DNAH17: variants seen among roughly 807,000 people sequenced by gnomAD.
DNAH17 encodes the protein dynein axonemal heavy chain 17, also known as axonemal beta dynein heavy chain 17.
DNAH17 carries 376 observed loss-of-function variants against 485.6 expected under a neutral mutation model. That is an observed-to-expected ratio of 0.77 (90% confidence interval 0.71 to 0.84). DNAH17 has a LOEUF of 0.84. DNAH17 is among the 40% of genes least tolerant of loss of function. The probability of loss-of-function intolerance (pLI) is 0.00; values close to 1 mark genes in which losing one functional copy is unlikely to be tolerated. For synonymous variants in DNAH17, 3,031 were observed against 2,405.9 expected, an observed-to-expected ratio of 1.26 and a Z score of -7.60; for missense variants, 6,370 against 5,839.3, an observed-to-expected ratio of 1.09 and a Z score of -2.96.
chr17:78,504,454 T>C (rs1289448376), intron 31 of DNAH17, among the ~76,000 whole-genome samples: 5 of 144,188 alleles, frequency 3.5e-5, no homozygotes, highest in African/African-American at 1.3e-4. Context: ...AGGAAGCGAA[T>C]CTAGACAGAT....
chr17:78,543,287 G>GTATTTTTTTTTTTTTTTT (rs1200669389), intron 17 of DNAH17, among the ~76,000 whole-genome samples: 4 of 139,226 alleles, frequency 2.9e-5, no homozygotes, highest in African/African-American at 1.1e-4. Context: ...GTTAATTTTT[G>GTATTTTTTTTTTTTTTTT]TTTTTTTTTT....
At chr17:78,514,517 A>AAAG (rs1555680395) in intron 26 of DNAH17, among the ~76,000 whole-genome samples, 22 of 149,486 alleles carry the variant, frequency 1.5e-4, no homozygotes, top group Admixed American at 8.2e-4. Context: ...AAAAAAAAAA[A>AAAG]AAAAAGAAAA....
chr17:78,548,579 G>A (rs980520262), intron 16 of DNAH17, among the ~76,000 whole-genome samples: 2 of 152,162 alleles, frequency 1.3e-5, no homozygotes, highest in East Asian at 1.9e-4. Context: ...GTTTTTCTGA[G>A]ATATCTAAAC....
chr17:78,501,261 G>A lies in DNAH17; in HGVS notation c.5406C>T (p.Ile1802=). Residue 1802 remains isoleucine (I), a synonymous_variant, in exon 35 of 81, where the codon ATC becomes ATT. Transcript: ENST00000389840. The part of the protein sequence containing the change: ...DEEKRHCFAN[I]CDAQIQYSYE... ...AGGAATACTGGATTTGGGCATCGCA[G>A]ATGTTGGCAAAGCAGTGTCGCTTCT... is the stretch of plus-strand genomic sequence containing the variant. The A allele has an allele frequency of 6.2e-7, 1 of 1,609,508 alleles. No homozygotes were observed. Among genetic ancestry groups the A allele is most frequent in the African/African-American group, 1.3e-5 (1 of 75,006 alleles).
rs569491504 is a variant in DNAH17, at chr17:78,487,509, G to A, written c.6819-1003C>T. The stretch of plus-strand genomic sequence containing the variant: ...ACAGCCAGCCTGCCCTGCGCTGACC[G>A]GCAGACGTGCCTCTTTAGACAGAGA... On this transcript the variant is annotated intron_variant, in intron 44 of 80. Transcript: ENST00000389840. 5.3e-5 allele frequency among the ~76,000 whole-genome samples: 8 copies of A among 152,250 alleles called. No homozygotes were observed. The East Asian group carries it at 5.8e-4, about 11-fold the overall frequency.
chr17:78,523,162 T>C (rs1302883293), intron 25 of DNAH17, among the ~76,000 whole-genome samples: 5 of 151,740 alleles, frequency 3.3e-5, no homozygotes, highest in African/African-American at 7.3e-5. Context: ...AGCCTCCTTT[T>C]TCTATTTATT....
At chr17:78,564,877 TGGAA>T (rs762036978) in intron 11 of DNAH17, among the ~76,000 whole-genome samples, 60 of 152,004 alleles carry the variant, frequency 3.9e-4, no homozygotes, top group Non-Finnish European at 7.5e-4. Context: ...GGCATTTGAG[TGGAA>T]GGAAGGAAGT....
rs770083699 is a variant in DNAH17, at chr17:78,455,853, G to C, written c.9978-17C>G. On this transcript the variant is annotated splice_polypyrimidine_tract_variant and intron_variant, in intron 62 of 80. Coordinates refer to ENST00000389840, the MANE Select transcript of DNAH17 (RefSeq NM_173628.4). ...CCGACCAGCCTAAAGTGGGATGAGA[G>C]AGAATAAAACATATTTGCACAAGTG... The C allele has an allele frequency of 8.3e-6, 13 of 1,573,466 alleles. No individual in the cohort carries two copies. The South Asian group carries it at 1.3e-4, about 16-fold the overall frequency.
chr17:78,475,150 G>A lies in DNAH17; in HGVS notation c.8511+128C>T, dbSNP rs149571599. 1.2e-5 allele frequency: 13 copies of A among 1,081,906 alleles called. No individual in the cohort carries two copies. The African/African-American group carries it at 1.3e-4, about 10-fold the overall frequency. 67.0% of individuals were successfully genotyped at this position (1,081,906 alleles called of 1,614,324 possible). ...CTGCTTTCTAAGATAAAGACCCTTT[G>A]GATAAGGACTATTGGTGATGCTCGG... On this transcript the variant is annotated intron_variant, in intron 54 of 80. Coordinates refer to ENST00000389840, the MANE Select transcript of DNAH17 (RefSeq NM_173628.4).
At chr17:78,532,223 A>C (rs2091259585) in intron 20 of DNAH17, among the ~76,000 whole-genome samples, 1 of 152,080 alleles carries the variant, frequency 6.6e-6, no homozygotes, top group African/African-American at 2.4e-5. Context: ...TATTTTCCCC[A>C]CATTTTCCCC....
intron 26 of DNAH17, 149 bp downstream of exon 26, chr17:78,514,625 G>A (rs2090730715): frequency 9.3e-7 from 1 of 1,071,900 alleles, no homozygotes; most frequent in Non-Finnish European, 1.3e-6. Context: ...TGACTGCGCA[G>A]GTCACTTGTG....
Position 78,424,023 on chromosome 17 carries a change from A to ACACT in DNAH17, c.13268_13271dup (p.Cys4424Ter). The ACACT allele has an allele frequency of 1.2e-6, 2 of 1,614,042 alleles. No homozygotes were observed. Among genetic ancestry groups the ACACT allele is most frequent in the Non-Finnish European group, 1.7e-6 (2 of 1,179,896 alleles). On this transcript the variant is annotated stop_gained and frameshift_variant, in exon 81 of 81. Coordinates refer to ENST00000389840, the MANE Select transcript of DNAH17 (RefSeq NM_173628.4). LOFTEE classifies it high-confidence loss of function. ...CGCGGATGCGTGTTTTGTACACGGG[A>ACACT]CACTCATAGATGTTCTTGGTCTCCA...
At chr17:78,486,693 C>T (rs773856803) in intron 44 of DNAH17, among the ~76,000 whole-genome samples, 187 bp from the exon 45 acceptor site, 2 of 152,134 alleles carry the variant, frequency 1.3e-5, no homozygotes, top group Non-Finnish European at 2.9e-5. Flanking sequence ...CTGAAAGGGT[C>T]GGAGGAGGAT....
chr17:78,431,205 C>T (rs587370), intron 75 of DNAH17, among the ~76,000 whole-genome samples: 24,227 of 152,134 alleles, frequency 0.16, 2,053 homozygotes, highest in Middle Eastern at 0.2. Flanking sequence ...TTACTCAAAA[C>T]GTTAATGTTT....
At position 78,423,928 on chromosome 17, in the gene DNAH17, A is replaced by G. The variant is rs1324504739; in HGVS notation, c.13367T>C (p.Val4456Ala). The change falls in exon 81 of 81, where the codon GTG (valine) becomes GCG (alanine). Residue 4456 changes from valine (V) to alanine (A), a missense_variant. Physicochemically the swap from Val to Ala is moderately conservative, Grantham distance 64. Coordinates refer to ENST00000389840, the MANE Select transcript of DNAH17 (RefSeq NM_173628.4). Reference sequence around the variant, plus strand: ...GAGCTAAACCTGTAGGAGCAGCGCCACGGCTGCCAGGATCCACTTCGCTGC... The same window carrying G: ...GAGCTAAACCTGTAGGAGCAGCGCCGCGGCTGCCAGGATCCACTTCGCTGC... ...EKAAKWILAA[V>A]ALLLQV The G allele has an allele frequency of 1.2e-6, 2 of 1,613,988 alleles. No individual in the cohort carries two copies. Among genetic ancestry groups the G allele is most frequent in the Admixed American group, 1.7e-5 (1 of 60,028 alleles).
Position 78,551,524 on chromosome 17 carries a change from C to G in DNAH17, c.2391+11G>C, listed in dbSNP as rs1465332743. Reference sequence around the variant, plus strand: ...CACAAAGCCCCACTCTGTGCTCTGCCCCTTGCTTACCTTCATAGCCTGGGA... The same window carrying G: ...CACAAAGCCCCACTCTGTGCTCTGCGCCTTGCTTACCTTCATAGCCTGGGA... On this transcript the variant is annotated intron_variant, in intron 16 of 80. Coordinates refer to ENST00000389840, the MANE Select transcript of DNAH17 (RefSeq NM_173628.4). 1.2e-6 allele frequency: 2 copies of G among 1,613,230 alleles called. No individual in the cohort carries two copies. The highest frequency in any genetic ancestry group is 2.2e-5 in the South Asian group (2 of 91,070).
rs1250976339 is a variant in DNAH17, at chr17:78,486,347, C to A, written c.6978G>T (p.Leu2326=). The change falls in exon 45 of 81, where the codon CTG becomes CTT. Residue 2326 remains leucine, a synonymous_variant. Coordinates refer to ENST00000389840, the MANE Select transcript of DNAH17 (RefSeq NM_173628.4). ...CCGTGAGCAGGCACTCCAGCAGGTA[C>A]AGAATCGTTTGGATCACCGTGATCT... The part of the protein sequence containing the change: ...VPEITVIQTI[L]YLLECLLTEK... 1 of 1,613,888 alleles carries A rather than the reference C, an allele frequency of 6.2e-7. No individual in the cohort carries two copies. Among genetic ancestry groups the A allele is most frequent in the South Asian group, 1.1e-5 (1 of 91,078 alleles).
Position 78,510,478 on chromosome 17 carries a change from G to A in DNAH17, c.4142C>T (p.Thr1381Ile), listed in dbSNP as rs533018083. ...QVKFKMSEETTLADLLQLNLH... is the reference protein window; with the variant it reads ...QVKFKMSEETILADLLQLNLH... ...GTTCAGCTGCAGTAAATCTGCCAGG[G>A]TCGTCTCTTCTGACATTTTAAATTT... Residue 1381 changes from threonine (T) to isoleucine (I), a missense_variant, in exon 27 of 81, where the codon ACC becomes ATC. By Grantham distance (89) the Thr-to-Ile change is moderately conservative (BLOSUM62 -1). Transcript: ENST00000389840. 62 of 1,613,870 alleles carry A rather than the reference G, an allele frequency of 3.8e-5. No homozygotes were observed. Among genetic ancestry groups the A allele is most frequent in the Non-Finnish European group, 4.8e-5 (57 of 1,179,838 alleles).
At chr17:78,520,498 A>T (rs2090906779) in intron 25 of DNAH17, among the ~76,000 whole-genome samples, 1 of 152,258 alleles carries the variant, frequency 6.6e-6, no homozygotes, top group Non-Finnish European at 1.5e-5. Flanking sequence ...GCCATCCTAG[A>T]ACTAGTAAGT....
Sources: gnomAD v4.1 joint callset for allele counts (sites outside exome capture counted in the v4.1 genomes callset) on GRCh38, gnomAD v4.1.1 for gene constraint, MANE v1.5 for transcripts, NCBI Gene and HGNC (gene_info 2026-07-23, HGNC 2026-07-21) for gene names.